The following TPRG1 variants were observed in gnomAD, a reference collection of about 807,000 sequenced individuals.
The protein encoded by TPRG1 is tumor protein p63 regulated 1, also known as tumor protein p63-regulated gene 1 protein.
Under a neutral mutation model 29.3 loss-of-function variants are expected in TPRG1, and 29 were observed. The observed-to-expected ratio is 0.99, with a 90% confidence interval of 0.74 to 1.35. The LOEUF (loss-of-function observed/expected upper bound fraction) is 1.35, where lower values mean the gene tolerates loss of function less well. Among genes scored for constraint, TPRG1 ranks in the 40% most tolerant of loss-of-function variants. TPRG1 has a pLI of 0.00. For synonymous variants in TPRG1, 130 were observed against 116.8 expected (o/e 1.11, Z -0.73); for missense variants, 327 against 335.0 (o/e 0.98, Z 0.19).
At chr3:189,076,087 A>AAT (rs1273841710) in intron 4 of TPRG1, among the ~76,000 whole-genome samples, 8 of 152,172 alleles carry the variant, frequency 5.3e-5, no homozygotes, top group African/African-American at 1.9e-4. Context: ...CCACATGGTT[A>AAT]ATATGTGGAA....
At chr3:189,101,966 A>T (rs776252615) in intron 1 of TPRG1, among the ~76,000 whole-genome samples, 1 of 152,086 alleles carries the variant, frequency 6.6e-6, no homozygotes, top group Non-Finnish European at 1.5e-5. Context: ...CAGATGAGAA[A>T]ACTAACAAAT....
At chr3:189,196,949 CT>C (rs1732638189) in intron 1 of TPRG1, among the ~76,000 whole-genome samples, 2 of 152,098 alleles carry the variant, frequency 1.3e-5, no homozygotes, top group African/African-American at 2.4e-5. Flanking sequence ...TAACAAGAAA[CT>C]GAGGTTTTGG....
At chr3:189,266,735 G>A (rs958227868) in intron 4 of TPRG1, among the ~76,000 whole-genome samples, 1 of 143,436 alleles carries the variant, frequency 7.0e-6, no homozygotes, top group East Asian at 2.0e-4. Flanking sequence ...GTTATATTTT[G>A]TATTATTATT....
chr3:189,317,770 T>C (rs1453356888), intron 5 of TPRG1, among the ~76,000 whole-genome samples: 1 of 152,190 alleles, frequency 6.6e-6, no homozygotes, highest in Non-Finnish European at 1.5e-5. Flanking sequence ...AATGTATACT[T>C]ACAAAGGTAT....
At chr3:189,045,869 C>A (rs1714942602) in intron 4 of TPRG1, among the ~76,000 whole-genome samples, 1 of 152,148 alleles carries the variant, frequency 6.6e-6, no homozygotes, top group Non-Finnish European at 1.5e-5. Context: ...ATTTGGGCAG[C>A]TATGGTCTAC....
rs142705689 is a variant in TPRG1 at position 189,227,924 on chromosome 3, C to T, written c.303-10809C>T. On this transcript the variant is annotated intron_variant, in intron 3 of 5. Transcript: ENST00000345063. The stretch of plus-strand genomic sequence containing the variant: ...ATTGCCAGAGCTCAGGAGTTCGCGA[C>T]CAGCCTGGACAACATGGTGAAACCC... Among the ~76,000 whole-genome samples, 583 of 152,246 alleles carry T rather than the reference C, an allele frequency of 3.8e-3. 1 individual carries two copies. Among genetic ancestry groups the T allele is most frequent in the African/African-American group, 0.013 (560 of 41,520 alleles).
chr3:189,272,005 C>T (rs74588294), intron 4 of TPRG1, among the ~76,000 whole-genome samples: 13,218 of 152,220 alleles, frequency 0.087, 711 homozygotes, highest in African/African-American at 0.16. Context: ...CTTTCCTATA[C>T]GCGCTGATGC....
At chr3:189,015,724 T>G (rs1350965780) in intron 3 of TPRG1, among the ~76,000 whole-genome samples, 1 of 152,204 alleles carries the variant, frequency 6.6e-6, no homozygotes, top group Non-Finnish European at 1.5e-5. Flanking sequence ...CTTGGGCCAT[T>G]GCTTCAGAGG....
At position 189,269,118 on chromosome 3, in the gene TPRG1, A is replaced by T. The variant is rs143984771; in HGVS notation, c.479+30209A>T. On this transcript the variant is annotated intron_variant, in intron 4 of 5. Transcript: ENST00000345063. ...TTTTTTTTTTCTTTTTTTCTTTTTA[A>T]AAAAGAACAAAACAAGAGCTAAAGC... Among the ~76,000 whole-genome samples the T allele has an allele frequency of 7.6e-4, 116 of 151,932 alleles. 1 individual carries two copies. The East Asian group carries it at 0.02, about 26-fold the overall frequency.
intron 4 of TPRG1, among the ~76,000 whole-genome samples, chr3:189,275,425 A>G (rs1355622573): frequency 3.3e-5 from 5 of 152,222 alleles, no homozygotes; most frequent in South Asian, 4.1e-4. Context: ...GACAATAAAG[A>G]GAATTCATAC....
chr3:189,241,277 C>T (rs1182165049), intron 4 of TPRG1, among the ~76,000 whole-genome samples: 1 of 152,142 alleles, frequency 6.6e-6, no homozygotes, highest in Admixed American at 6.5e-5. Context: ...AACCTTTTTA[C>T]ATTGCCAGTG....
At chr3:189,255,574 T>C (rs1276666114) in intron 4 of TPRG1, among the ~76,000 whole-genome samples, 1 of 152,174 alleles carries the variant, frequency 6.6e-6, no homozygotes, top group African/African-American at 2.4e-5. Context: ...TTTTCTATTG[T>C]TTGGAATCGT....
intron 1 of TPRG1, among the ~76,000 whole-genome samples, chr3:189,201,426 G>A (rs1733468611): frequency 6.6e-6 from 1 of 152,160 alleles, no homozygotes; most frequent in Non-Finnish European, 1.5e-5. Flanking sequence ...GGGAGTGCCT[G>A]GTGTTGCAGC....
At chr3:189,134,783 C>T (rs1427211178) in intron 3 of TPRG1, among the ~76,000 whole-genome samples, 1 of 152,098 alleles carries the variant, frequency 6.6e-6, no homozygotes, top group Non-Finnish European at 1.5e-5. Flanking sequence ...AAATAATTTT[C>T]ACTAGGACTT....
At position 189,304,533 on chromosome 3, in the gene TPRG1, G is replaced by T. The variant is rs528204354; in HGVS notation, c.480-5853G>T. 3.8e-4 allele frequency among the ~76,000 whole-genome samples: 58 copies of T among 152,298 alleles called. No homozygotes were observed. In the South Asian group the frequency reaches 0.011, roughly 30 times the overall value. ...TGGGAGGGAGCCAGGTGAGCAAAGA[G>T]AGCAGATAAAGGCAGCACCTGCCGA... On this transcript the variant is annotated intron_variant, in intron 4 of 5. Coordinates refer to ENST00000345063, the MANE Select transcript of TPRG1 (RefSeq NM_198485.4).
At chr3:189,144,294 A>G (rs1000685119) in intron 3 of TPRG1, among the ~76,000 whole-genome samples, 6 of 152,234 alleles carry the variant, frequency 3.9e-5, no homozygotes, top group African/African-American at 1.4e-4. Context: ...AGAGATCCAC[A>G]TAACTTATAG....
chr3:189,200,458 T>A (rs1250069961), intron 1 of TPRG1, among the ~76,000 whole-genome samples: 3 of 152,128 alleles, frequency 2.0e-5, no homozygotes, highest in Non-Finnish European at 2.9e-5. Flanking sequence ...AAAAGTAGAT[T>A]TTTATTTTGG....
chr3:189,278,385 A>T (rs1716520875), intron 4 of TPRG1, among the ~76,000 whole-genome samples: 1 of 152,052 alleles, frequency 6.6e-6, no homozygotes, highest in Admixed American at 6.6e-5. Flanking sequence ...GTGTCTTCTA[A>T]CCCAGTTCCA....
At chr3:189,068,793 A>G (rs1358141365) in intron 4 of TPRG1, among the ~76,000 whole-genome samples, 2 of 149,912 alleles carry the variant, frequency 1.3e-5, no homozygotes, top group Non-Finnish European at 3.0e-5. Context: ...AGAAAAAGGA[A>G]GGAAGGAAGG....
Sources: gnomAD v4.1 joint callset for allele counts (sites outside exome capture counted in the v4.1 genomes callset) on GRCh38, gnomAD v4.1.1 for gene constraint, MANE v1.5 for transcripts, NCBI Gene and HGNC (gene_info 2026-07-23, HGNC 2026-07-21) for gene names.